The following MTHFD1L variants were observed in gnomAD, a reference collection of about 807,000 sequenced individuals.
The protein encoded by MTHFD1L is monofunctional C1-tetrahydrofolate synthase, mitochondrial.
A neutral mutation model predicts 119.5 loss-of-function variants in MTHFD1L; 81 were observed. That is an observed-to-expected ratio of 0.68 (90% confidence interval 0.57 to 0.82). MTHFD1L has a LOEUF of 0.82. Ranked by LOEUF, MTHFD1L falls within the 40% of genes least tolerant of loss-of-function variation. MTHFD1L has a pLI of 0.00. For missense variants in MTHFD1L, 1,125 were observed against 1,253.4 expected (o/e 0.90, Z 1.55); for synonymous variants, 430 against 475.2 (o/e 0.90, Z 1.24).
chr6:150,913,989 G>A (rs540196059), intron 8 of MTHFD1L, among the ~76,000 whole-genome samples: 8 of 152,326 alleles, frequency 5.3e-5, no homozygotes, highest in African/African-American at 1.9e-4. Flanking sequence ...AACTAACCAG[G>A]CGTGGTGGCA....
At chr6:151,043,711 G>C (rs1253561181) in intron 26 of MTHFD1L, among the ~76,000 whole-genome samples, 1 of 152,110 alleles carries the variant, frequency 6.6e-6, no homozygotes, top group Non-Finnish European at 1.5e-5. Flanking sequence ...GCACCCTTTT[G>C]TCACTGGCAA....
rs564230315 is a variant in MTHFD1L at position 151,009,880 on chromosome 6, A to C, written c.2187A>C (p.Arg729=). 8.1e-5 allele frequency: 130 copies of C among 1,613,722 alleles called. 2 individuals are homozygous for C. In the South Asian group the frequency reaches 1.3e-3, roughly 17 times the overall value. The change falls in exon 21 of 28, where the codon CGA becomes CGC. Residue 729 remains arginine, a synonymous_variant. Transcript: ENST00000367321. ...GMEKFFNIKC[R]ASGLVPNVVV... is the part of the protein sequence containing the mutation. ...AGAAATTCTTCAACATCAAGTGCCG[A>C]GCTTCCGGCTTGGTGCCCAACGTGG... is the stretch of plus-strand genomic sequence containing the variant.
rs543720713 is a variant in MTHFD1L, at chr6:150,968,617, C to A, written c.2014-3330C>A. 7.2e-5 allele frequency among the ~76,000 whole-genome samples: 11 copies of A among 152,020 alleles called. No individual in the cohort carries two copies. The South Asian group carries it at 2.3e-3, about 31-fold the overall frequency. On this transcript the variant is annotated intron_variant, in intron 19 of 27. Coordinates refer to ENST00000367321, the MANE Select transcript of MTHFD1L (RefSeq NM_015440.5). Reference sequence around the variant, plus strand: ...CTCTGCCTCCCAGGTTCAAGCGATTCTCTTGCCTCAGCCTCCCAGGTAGCT... The same window carrying A: ...CTCTGCCTCCCAGGTTCAAGCGATTATCTTGCCTCAGCCTCCCAGGTAGCT...
chr6:151,015,593 A>G lies in MTHFD1L; in HGVS notation c.2486A>G (p.Tyr829Cys). Residue 829 changes from tyrosine to cysteine, a missense_variant, in exon 24 of 28, where the codon TAT becomes TGT. Around this residue, in one of 3 missense-constraint regions of MTHFD1L, gnomAD observed 1,058 missense variants for 1,151.2 expected, o/e 0.92. Transcript: ENST00000367321. Reference protein sequence around the residue: ...RAGAFDAVPCYHWSVGGKGSV... With the variant: ...RAGAFDAVPCCHWSVGGKGSV... ...GGTGCCTTTGATGCAGTCCCCTGCT[A>G]TCACTGGTCCGTTGGTGGAAAAGGA... The G allele has an allele frequency of 6.2e-6, 10 of 1,614,162 alleles. No homozygotes were observed. Among genetic ancestry groups the G allele is most frequent in the Non-Finnish European group, 8.5e-6 (10 of 1,180,032 alleles).
intron 26 of MTHFD1L, among the ~76,000 whole-genome samples, chr6:151,058,282 AGGGCCAGCTG>A (rs1474684126): frequency 6.6e-6 from 1 of 152,252 alleles, no homozygotes; most frequent in Non-Finnish European, 1.5e-5. Context: ...TGGGTGGGTC[AGGGCCAGCTG>A]GGGCCGTGCC....
At chr6:150,877,890 G>A (rs1452583962) in intron 4 of MTHFD1L, 64 bp downstream of exon 4, 1 of 1,586,192 alleles carries the variant, frequency 6.3e-7, no homozygotes, top group African/African-American at 1.3e-5. Context: ...TAGGCCCATT[G>A]GCGTCTCTTA....
At chr6:150,977,830 T>C (rs6940242) in intron 20 of MTHFD1L, among the ~76,000 whole-genome samples, 1,672 of 152,060 alleles carry the variant, frequency 0.011, 30 homozygotes, top group African/African-American at 0.038. Flanking sequence ...GACTCCTGGA[T>C]AGACTTCGAT....
chr6:150,874,291 C>G (rs1192908530), intron 1 of MTHFD1L, among the ~76,000 whole-genome samples: 2 of 152,198 alleles, frequency 1.3e-5, no homozygotes, highest in African/African-American at 2.4e-5. Context: ...CTGAAATGTT[C>G]CCAGGTTATA....
At chr6:150,953,942 A>G (rs1795219362) in intron 16 of MTHFD1L, among the ~76,000 whole-genome samples, 2 of 152,206 alleles carry the variant, frequency 1.3e-5, no homozygotes, top group African/African-American at 2.4e-5. Context: ...TTCATTTTGT[A>G]TATGCTCTGC....
chr6:150,955,294 A>G (rs1795456335), intron 16 of MTHFD1L, among the ~76,000 whole-genome samples: 1 of 152,090 alleles, frequency 6.6e-6, no homozygotes, highest in African/African-American at 2.4e-5. Context: ...ACATCCATTC[A>G]TGTATCAACA....
In MTHFD1L at chr6:151,015,620, C is replaced by T. The variant is rs372067558; in HGVS notation, c.2513C>T (p.Ser838Leu). 6.2e-6 allele frequency: 10 copies of T among 1,613,988 alleles called. No homozygotes were observed. Among genetic ancestry groups the T allele is most frequent in the Admixed American group, 5.0e-5 (3 of 59,980 alleles). ...CYHWSVGGKGSVDLARAVREA... is the reference protein window; with the variant it reads ...CYHWSVGGKGLVDLARAVREA... ...CACTGGTCCGTTGGTGGAAAAGGAT[C>T]GGTGGACTTGGCTCGGGCTGTGAGA... The change falls in exon 24 of 28, where the codon TCG becomes TTG. Residue 838 changes from serine to leucine, a missense_variant. By Grantham distance (145) the Ser-to-Leu change is moderately radical (BLOSUM62 -2). This residue lies in a region of MTHFD1L where 1,058 missense variants were observed against 1,151.2 expected (regional missense o/e 0.92). Coordinates refer to ENST00000367321, the MANE Select transcript of MTHFD1L (RefSeq NM_015440.5).
chr6:150,951,033 G>GTTTTTTTT lies in MTHFD1L; in HGVS notation c.1726+1903_1726+1910dup, dbSNP rs562283052. 6.4e-5 allele frequency among the ~76,000 whole-genome samples: 8 copies of GTTTTTTTT among 125,924 alleles called. 2 individuals carry two copies. The highest frequency in any genetic ancestry group is 5.8e-5 in the African/African-American group (2 of 34,552). 82.6% of individuals were successfully genotyped at this position (125,924 alleles called of 152,430 possible). On this transcript the variant is annotated intron_variant, in intron 16 of 27. Transcript: ENST00000367321. ...CTAAAATCTCCTTGGAAACTTTATG[G>GTTTTTTTT]TTTTTTTTTTGTTTTTTTTTTGAGA... is the stretch of plus-strand genomic sequence containing the variant.
intron 26 of MTHFD1L, among the ~76,000 whole-genome samples, chr6:151,063,876 GTT>G (rs5880913): frequency 3.4e-5 from 5 of 146,870 alleles, no homozygotes; most frequent in African/African-American, 1.2e-4. Flanking sequence ...TGTGTTTTGG[GTT>G]TTTTTTTTTC....
chr6:151,047,034 A>G (rs1788201878), intron 26 of MTHFD1L, among the ~76,000 whole-genome samples: 1 of 152,200 alleles, frequency 6.6e-6, no homozygotes, highest in East Asian at 1.9e-4. Flanking sequence ...TTAACTATGT[A>G]TGTGTTCCTT....
At position 150,926,365 on chromosome 6, in the gene MTHFD1L, T is replaced by C; in HGVS notation, c.1256+70T>C. ...CAAAACTCTTCCCTATTTATCTCTC[T>C]CCTCGTACCCCTCAATCCATCCTAT... On this transcript the variant is annotated intron_variant, in intron 11 of 27. Coordinates refer to ENST00000367321, the MANE Select transcript of MTHFD1L (RefSeq NM_015440.5). The surrounding 1 kb of genome is among the most constrained non-coding windows in gnomAD (Gnocchi z 4.3). 1 of 1,340,076 alleles carries C rather than the reference T, an allele frequency of 7.5e-7. No individual in the cohort carries two copies. Among genetic ancestry groups the C allele is most frequent in the Non-Finnish European group, 1.0e-6 (1 of 960,674 alleles). 83.0% of individuals were successfully genotyped at this position (1,340,076 alleles called of 1,614,324 possible).
chr6:150,974,855 G>A lies in MTHFD1L; in HGVS notation c.2125+2797G>A, dbSNP rs559565417. Among the ~76,000 whole-genome samples the A allele has an allele frequency of 2.6e-5, 4 of 151,786 alleles. No individual in the cohort carries two copies. The South Asian group carries it at 8.3e-4, about 32-fold the overall frequency. ...AGGTTCAAGCGATCCTCCTACCTCA[G>A]CCTCCCGAGTAGCTGGGATTACAAA... On this transcript the variant is annotated intron_variant, in intron 20 of 27. Coordinates refer to ENST00000367321, the MANE Select transcript of MTHFD1L (RefSeq NM_015440.5).
rs57307353 is a variant in MTHFD1L, at chr6:151,015,010, G to T, written c.2408+30G>T. ...GTCCAGCCTCCTCCTTTAAATGTGG[G>T]CATTATCACTAGGCCACCCTGTGAA... On this transcript the variant is annotated intron_variant, in intron 23 of 27. Coordinates refer to ENST00000367321, the MANE Select transcript of MTHFD1L (RefSeq NM_015440.5). 2.5e-3 allele frequency: 3,909 copies of T among 1,571,990 alleles called. 72 individuals are homozygous for T. In the African/African-American group the frequency reaches 0.041, roughly 16 times the overall value.
chr6:150,875,857 G>C lies in MTHFD1L; in HGVS notation c.228-233G>C, dbSNP rs191394721. 1.7e-3 allele frequency among the ~76,000 whole-genome samples: 266 copies of C among 152,234 alleles called. 1 individual carries two copies. The highest frequency in any genetic ancestry group is 5.8e-3 in the African/African-American group (240 of 41,548). On this transcript the variant is annotated intron_variant, in intron 1 of 27. Coordinates refer to ENST00000367321, the MANE Select transcript of MTHFD1L (RefSeq NM_015440.5). ...CCTAGAAAATTATTGTAAACATCTAGTTTGTTTCCCTCTGCATATTTTAAA... is the reference window on the plus strand; with the variant it reads ...CCTAGAAAATTATTGTAAACATCTACTTTGTTTCCCTCTGCATATTTTAAA...
chr6:150,914,775 G>A (rs1296481732), intron 8 of MTHFD1L, among the ~76,000 whole-genome samples: 8 of 152,284 alleles, frequency 5.3e-5, no homozygotes, highest in South Asian at 4.2e-4. Flanking sequence ...TCCTGCTTTC[G>A]ATATTTGTTG....
Sources: gnomAD v4.1 joint callset for allele counts (sites outside exome capture counted in the v4.1 genomes callset) on GRCh38, gnomAD v4.1.1 for gene constraint, gnomAD v4.1.1 regional missense constraint, Gnocchi (gnomAD v3.1) non-coding constraint, MANE v1.5 for transcripts, NCBI Gene and HGNC (gene_info 2026-07-23, HGNC 2026-07-21) for gene names.